Variants in CWC27 observed in about 807,000 individuals in gnomAD.
CWC27 encodes CWC27 spliceosome associated cyclophilin.
CWC27 carries 47 observed loss-of-function variants against 63.6 expected under a neutral mutation model. The ratio of observed to expected loss-of-function variants is 0.74; its 90% CI spans 0.58 to 0.94. The LOEUF (loss-of-function observed/expected upper bound fraction) is 0.94. Ranked by LOEUF, CWC27 falls within the 40% of genes least tolerant of loss-of-function variation. CWC27 has a pLI of 0.00. For synonymous variants in CWC27, 175 were observed against 179.8 expected, an observed-to-expected ratio of 0.97 and a Z score of 0.22; for missense variants, 495 against 554.3, an observed-to-expected ratio of 0.89 and a Z score of 1.07.
chr5:64,883,334 C>T (rs1225331120), intron 10 of CWC27, among the ~76,000 whole-genome samples: 1 of 151,336 alleles, frequency 6.6e-6, no homozygotes, highest in East Asian at 1.9e-4. Flanking sequence ...TTAATCTACG[C>T]AGAAATTTGT....
At chr5:64,903,120 T>C (rs1478282566) in intron 11 of CWC27, among the ~76,000 whole-genome samples, 1 of 152,188 alleles carries the variant, frequency 6.6e-6, no homozygotes, top group Non-Finnish European at 1.5e-5. Flanking sequence ...AGTGTGGCAA[T>C]TCCTCAAGGA....
chr5:64,910,337 C>T (rs554263557), intron 11 of CWC27, among the ~76,000 whole-genome samples: 1 of 152,294 alleles, frequency 6.6e-6, no homozygotes, highest in African/African-American at 2.4e-5. Flanking sequence ...CCCAGAGGGG[C>T]ACCTGCCTGT....
chr5:64,984,590 T>G (rs1369736673), intron 13 of CWC27, among the ~76,000 whole-genome samples: 1 of 152,250 alleles, frequency 6.6e-6, no homozygotes, highest in Non-Finnish European at 1.5e-5. Flanking sequence ...GCTTGCCTTC[T>G]GTATTTTCTT....
chr5:64,877,552 G>A (rs745651351), intron 10 of CWC27, among the ~76,000 whole-genome samples: 1 of 151,950 alleles, frequency 6.6e-6, no homozygotes, highest in African/African-American at 2.4e-5. Flanking sequence ...AGCTAGAAGG[G>A]AGGACTTGAA....
intron 10 of CWC27, among the ~76,000 whole-genome samples, chr5:64,809,694 A>G (rs1354394932): frequency 1.3e-5 from 2 of 152,166 alleles, no homozygotes; most frequent in Admixed American, 6.6e-5. Flanking sequence ...AGTCTAAGCA[A>G]ACTTTGAGAA....
At chr5:64,964,336 G>T (rs1748975602) in intron 11 of CWC27, among the ~76,000 whole-genome samples, 1 of 152,142 alleles carries the variant, frequency 6.6e-6, no homozygotes, top group African/African-American at 2.4e-5. Context: ...AGGCAGTTTT[G>T]AGTATTTATT....
At chr5:64,805,711 T>C (rs1744645964) in intron 10 of CWC27, among the ~76,000 whole-genome samples, 2 of 152,078 alleles carry the variant, frequency 1.3e-5, no homozygotes, top group East Asian at 1.9e-4. Flanking sequence ...CAAATACTTA[T>C]ATACCCTATA....
intron 12 of CWC27, among the ~76,000 whole-genome samples, chr5:64,973,905 A>C (rs1413515153): frequency 1.3e-5 from 2 of 152,118 alleles, no homozygotes; most frequent in East Asian, 3.9e-4. Context: ...GTGCTTTTAA[A>C]AAAGACATTT....
At chr5:64,882,585 A>AGTTGTT (rs529962877) in intron 10 of CWC27, among the ~76,000 whole-genome samples, 4 of 151,826 alleles carry the variant, frequency 2.6e-5, no homozygotes, top group Admixed American at 6.6e-5. Flanking sequence ...GTTTCCTTTT[A>AGTTGTT]GTTGTTGTTG....
intron 2 of CWC27, among the ~76,000 whole-genome samples, chr5:64,778,525 G>A (rs930143186): frequency 4.6e-5 from 7 of 152,140 alleles, no homozygotes; most frequent in African/African-American, 1.7e-4. Flanking sequence ...TGAATTTGTA[G>A]CATTTGAGTG....
intron 1 of CWC27, among the ~76,000 whole-genome samples, chr5:64,772,776 A>G (rs1743310881): frequency 6.6e-6 from 1 of 151,834 alleles, no homozygotes; most frequent in Admixed American, 6.6e-5. Context: ...TCTCTACTAA[A>G]GATACAAAAA....
At chr5:64,984,085 A>G (rs913948116) in intron 13 of CWC27, among the ~76,000 whole-genome samples, 1 of 152,116 alleles carries the variant, frequency 6.6e-6, no homozygotes. Context: ...TGCCCGCCTC[A>G]GCCTCCCAAA....
intron 11 of CWC27, among the ~76,000 whole-genome samples, chr5:64,920,868 G>T (rs754865133): frequency 2.0e-5 from 3 of 151,776 alleles, no homozygotes; most frequent in Non-Finnish European, 4.4e-5. Context: ...AATCTACCTA[G>T]GGGTCTATCA....
chr5:64,780,939 T>C (rs1274142715), intron 2 of CWC27, among the ~76,000 whole-genome samples: 3 of 152,142 alleles, frequency 2.0e-5, no homozygotes, highest in South Asian at 2.1e-4. Flanking sequence ...TGAGCATCTT[T>C]TGTTATGCAT....
chr5:64,832,279 T>C (rs1193400355), intron 10 of CWC27, among the ~76,000 whole-genome samples: 1 of 151,896 alleles, frequency 6.6e-6, no homozygotes, highest in Non-Finnish European at 1.5e-5. Flanking sequence ...AAAATCACAT[T>C]TGTTAATGTC....
chr5:65,017,320 C>G (rs973168213), intron 13 of CWC27, among the ~76,000 whole-genome samples: 5 of 147,980 alleles, frequency 3.4e-5, no homozygotes, highest in East Asian at 2.0e-4. Flanking sequence ...GACTCCATCT[C>G]AAAAAAAAAA....
chr5:64,870,346 A>G (rs1174933085), intron 10 of CWC27, among the ~76,000 whole-genome samples: 1 of 152,098 alleles, frequency 6.6e-6, no homozygotes, highest in East Asian at 1.9e-4. Flanking sequence ...AAAATAAAAA[A>G]TCTGTGTTGC....
chr5:65,014,972 G>A (rs765634521), intron 13 of CWC27, among the ~76,000 whole-genome samples: 15 of 152,154 alleles, frequency 9.9e-5, no homozygotes, highest in Admixed American at 3.3e-4. Context: ...TCTTTCCTCT[G>A]GGTTTAGGTT....
intron 10 of CWC27, among the ~76,000 whole-genome samples, chr5:64,852,775 C>CTT (rs79444686): frequency 2.1e-5 from 3 of 144,556 alleles, no homozygotes; most frequent in Non-Finnish European, 4.6e-5. Flanking sequence ...TCCCGGCCAC[C>CTT]TTTTTTTTTT....
Sources: gnomAD v4.1 joint callset for allele counts (sites outside exome capture counted in the v4.1 genomes callset) on GRCh38, gnomAD v4.1.1 for gene constraint, MANE v1.5 for transcripts, NCBI Gene and HGNC (gene_info 2026-07-23, HGNC 2026-07-21) for gene names.